The following KCNH1 variants were observed in gnomAD, a reference collection of about 807,000 sequenced individuals.
The protein encoded by KCNH1 is potassium voltage-gated channel subfamily H member 1.
In KCNH1, 27 loss-of-function variants were observed where a neutral mutation model predicts 69.2. That is an observed-to-expected ratio of 0.39 (90% CI 0.29 to 0.54). The LOEUF (loss-of-function observed/expected upper bound fraction) is 0.54, where lower values mean the gene tolerates loss of function less well. Among genes scored for constraint, KCNH1 ranks in the 20% least tolerant of loss-of-function variants. The probability of loss-of-function intolerance (pLI) is 0.68; values close to 1 mark genes in which losing one functional copy is unlikely to be tolerated. For synonymous variants in KCNH1, 456 were observed against 487.7 expected (o/e 0.93, Z 0.86); for missense variants, 798 against 1,261.6 (o/e 0.63, Z 5.57).
At chr1:210,923,644 C>T (rs562315438) in intron 6 of KCNH1, among the ~76,000 whole-genome samples, 37 of 152,334 alleles carry the variant, frequency 2.4e-4, no homozygotes, top group African/African-American at 8.9e-4. Context: ...AGGCTTGTCA[C>T]CAACTCCAAC....
At chr1:211,104,159 G>A (rs1212710471) in intron 2 of KCNH1, among the ~76,000 whole-genome samples, 1 of 152,142 alleles carries the variant, frequency 6.6e-6, no homozygotes, top group Non-Finnish European at 1.5e-5. Flanking sequence ...ATAATATAGA[G>A]AAGTAAACAG....
chr1:210,715,184 A>G lies in KCNH1; in HGVS notation c.2113-31046T>C, dbSNP rs111963402. On this transcript the variant is annotated intron_variant, in intron 10 of 10. Transcript: ENST00000271751. ...CCATCAGGGGCAGAGATAGGCTTCC[A>G]CCCACTCTGACAGGCTGCAGGGCTA... Among the ~76,000 whole-genome samples, 835 of 152,276 alleles carry G rather than the reference A, an allele frequency of 5.5e-3. 7 individuals are homozygous for G. Among genetic ancestry groups the G allele is most frequent in the African/African-American group, 0.019 (782 of 41,548 alleles).
intron 7 of KCNH1, among the ~76,000 whole-genome samples, chr1:210,889,641 T>C (rs1443886483): frequency 1.3e-5 from 2 of 152,220 alleles, no homozygotes; most frequent in Admixed American, 6.5e-5. Flanking sequence ...GACATGATTG[T>C]ATATTTAGAA....
At chr1:210,852,443 G>T (rs114186436) in intron 7 of KCNH1, among the ~76,000 whole-genome samples, 2,679 of 152,308 alleles carry the variant, frequency 0.018, 78 homozygotes, top group African/African-American at 0.06. Context: ...GCATGCAAAG[G>T]TTTTCTTTGA....
At chr1:211,091,131 G>A (rs531695272) in intron 3 of KCNH1, among the ~76,000 whole-genome samples, 1 of 152,178 alleles carries the variant, frequency 6.6e-6, no homozygotes, top group East Asian at 1.9e-4. Context: ...AGGATCCCAG[G>A]GTCAAAATCC....
At chr1:210,883,639 T>C (rs1574315978) in intron 7 of KCNH1, among the ~76,000 whole-genome samples, 1 of 152,378 alleles carries the variant, frequency 6.6e-6, no homozygotes, top group African/African-American at 2.4e-5. Flanking sequence ...ATATAAATTA[T>C]ATTTTATACT....
At chr1:211,128,504 C>T (rs1363402497) in intron 1 of KCNH1, among the ~76,000 whole-genome samples, 1 of 151,784 alleles carries the variant, frequency 6.6e-6, no homozygotes, top group East Asian at 1.9e-4. Context: ...AAAGTGATCA[C>T]CATAAAATCA....
intron 5 of KCNH1, among the ~76,000 whole-genome samples, chr1:211,027,447 A>G (rs1463273772): frequency 6.7e-6 from 1 of 148,562 alleles, no homozygotes; most frequent in East Asian, 1.9e-4. Flanking sequence ...TCTAGAAAAC[A>G]TTTAAAAGTT....
Position 210,983,997 on chromosome 1 carries a change from T to A in KCNH1, c.1032+34786A>T, listed in dbSNP as rs535650148. Among the ~76,000 whole-genome samples the A allele has an allele frequency of 3.4e-4, 52 of 152,210 alleles. 1 individual carries two copies. The highest frequency in any genetic ancestry group is 1.2e-3 in the African/African-American group (51 of 41,560). On this transcript the variant is annotated intron_variant, in intron 6 of 10. Transcript: ENST00000271751. Reference sequence around the variant, plus strand: ...TGAAGGGGTCCTTCACATCCCTTGTTAGTTGGATTCCTAGGTATTTTATTC... The same window carrying A: ...TGAAGGGGTCCTTCACATCCCTTGTAAGTTGGATTCCTAGGTATTTTATTC...
At chr1:210,990,255 A>C (rs1469711921) in intron 6 of KCNH1, among the ~76,000 whole-genome samples, 1 of 152,240 alleles carries the variant, frequency 6.6e-6, no homozygotes, top group Non-Finnish European at 1.5e-5. Flanking sequence ...AAATATGAGA[A>C]GAGGGTATAA....
In KCNH1 at chr1:210,788,929, C is replaced by T. The variant is rs1489671429; in HGVS notation, c.1915+8579G>A. On this transcript the variant is annotated intron_variant, in intron 9 of 10. Transcript: ENST00000271751. ...GCCGGGATGGTCTCGATCTCCTGAC[C>T]TCGTGATCCGCCCGCCTCGGCCTCC... 1.0e-4 allele frequency among the ~76,000 whole-genome samples: 15 copies of T among 148,746 alleles called. 2 individuals carry two copies. The highest frequency in any genetic ancestry group is 3.9e-4 in the African/African-American group (15 of 38,412).
chr1:210,717,505 A>ACTGT (rs568048422), intron 10 of KCNH1, among the ~76,000 whole-genome samples: 109 of 152,292 alleles, frequency 7.2e-4, no homozygotes, highest in African/African-American at 2.5e-3. Context: ...TCCTGAGCAG[A>ACTGT]CTGTCTGTCT....
intron 7 of KCNH1, among the ~76,000 whole-genome samples, chr1:210,875,529 G>A (rs1014113706): frequency 1.9e-4 from 29 of 152,138 alleles, no homozygotes; most frequent in African/African-American, 5.3e-4. Context: ...TTGGCTGGGC[G>A]CAGTGGCTCA....
intron 10 of KCNH1, among the ~76,000 whole-genome samples, chr1:210,736,461 C>T (rs1682880973): frequency 6.6e-6 from 1 of 151,932 alleles, no homozygotes; most frequent in Non-Finnish European, 1.5e-5. Context: ...GCAGGAGAAT[C>T]GCTTGAACCC....
chr1:210,875,506 C>T (rs1309831958), intron 7 of KCNH1, among the ~76,000 whole-genome samples: 3 of 152,126 alleles, frequency 2.0e-5, no homozygotes, highest in Admixed American at 1.3e-4. Context: ...GCACAAAAAT[C>T]AATAGCAATA....
At chr1:210,890,125 G>A (rs1381497625) in intron 7 of KCNH1, among the ~76,000 whole-genome samples, 3 of 152,058 alleles carry the variant, frequency 2.0e-5, no homozygotes, top group Non-Finnish European at 4.4e-5. Context: ...GAGGCATCAG[G>A]CTACCTGATG....
At chr1:211,012,384 A>C (rs1689409961) in intron 6 of KCNH1, among the ~76,000 whole-genome samples, 1 of 152,210 alleles carries the variant, frequency 6.6e-6, no homozygotes, top group Admixed American at 6.5e-5. Context: ...TGAAATCACC[A>C]GTGCTATAGA....
intron 6 of KCNH1, among the ~76,000 whole-genome samples, chr1:210,970,789 G>A (rs1688498096): frequency 6.6e-6 from 1 of 152,094 alleles, no homozygotes; most frequent in Non-Finnish European, 1.5e-5. Context: ...ATTGACAAAT[G>A]GGATCTAATT....
intron 5 of KCNH1, among the ~76,000 whole-genome samples, chr1:211,026,269 G>A (rs144766725): frequency 7.4e-4 from 113 of 151,882 alleles, no homozygotes; most frequent in South Asian, 4.0e-3. Flanking sequence ...AAAGTAAAAC[G>A]GCTAGGAATG....
Sources: allele counts gnomAD v4.1 joint callset (sites outside exome capture counted in the v4.1 genomes callset), GRCh38; gene constraint gnomAD v4.1.1; transcripts MANE v1.5; gene names NCBI Gene and HGNC (gene_info 2026-07-23, HGNC 2026-07-21).